Variants in HMCN2 observed in about 807,000 individuals in gnomAD.
HMCN2 encodes hemicentin 2.
A neutral mutation model predicts 377.5 loss-of-function variants in HMCN2; 325 were observed. The observed-to-expected ratio is 0.86, with a 90% CI of 0.79 to 0.94. The LOEUF (loss-of-function observed/expected upper bound fraction) is 0.94. Among genes scored for constraint, HMCN2 ranks in the 40% least tolerant of loss-of-function variants. HMCN2 has a pLI of 0.00. For missense variants in HMCN2, 4,543 were observed against 4,725.3 expected (o/e 0.96, Z 1.13); for synonymous variants, 2,007 against 2,046.8 (o/e 0.98, Z 0.53).
rs1229225017 is a variant in HMCN2, at chr9:130,399,578, G to A, written c.11551G>A (p.Val3851Met). 2.4e-5 allele frequency: 31 copies of A among 1,289,510 alleles called. No individual in the cohort carries two copies. Among genetic ancestry groups the A allele is most frequent in the East Asian group, 5.6e-5 (1 of 17,972 alleles). The allele number at this position is 1,289,510 out of a possible 1,614,324, so 79.9% of individuals were successfully genotyped here. Residue 3851 changes from valine to methionine, a missense_variant, in exon 76 of 98, where the codon GTG (valine) becomes ATG (methionine). Physicochemically the swap from Val to Met is conservative, Grantham distance 21. Around this residue, in one of 5 missense-constraint regions of HMCN2, gnomAD observed 1,073 missense variants for 1,319.5 expected, o/e 0.81. Coordinates refer to ENST00000683500, the MANE Select transcript of HMCN2 (RefSeq NM_001291815.2). ...GPQDSAQFECVVSNEVGEAHR... is the reference protein window; with the variant it reads ...GPQDSAQFECMVSNEVGEAHR... ...CCAGGACTCAGCCCAGTTTGAATGC[G>A]TGGTGAGCAATGAGGTGGGCGAGGC...
At chr9:130,364,639 G>C (rs1229649916) in intron 40 of HMCN2, 75 bp from the exon 41 acceptor site, 1 of 821,028 alleles carries the variant, frequency 1.2e-6, no homozygotes, top group African/African-American at 1.8e-5. Flanking sequence ...AGCTAGGCCT[G>C]ACCCAGGGTG....
rs1216148349 is a variant in HMCN2, at chr9:130,277,996, A to G, written c.260-6607A>G. Among the ~76,000 whole-genome samples, 2 of 45,998 alleles carry G rather than the reference A, an allele frequency of 4.3e-5. 1 individual carries two copies. The highest frequency in any genetic ancestry group is 7.4e-5 in the Non-Finnish European group (2 of 26,890). 30.2% of individuals were successfully genotyped at this position (45,998 alleles called of 152,430 possible). ...CATCATCACCACCACCACGATCATC[A>G]CCACCACCACCATCATCATCACCAC... On this transcript the variant is annotated intron_variant, in intron 1 of 97. Transcript: ENST00000683500.
rs10988688 is a variant in HMCN2 at position 130,304,409 on chromosome 9, C to T, written c.1544-321C>T. 0.015 allele frequency among the ~76,000 whole-genome samples: 2,290 copies of T among 152,272 alleles called. 23 individuals are homozygous for T. Among genetic ancestry groups the T allele is most frequent in the Non-Finnish European group, 0.022 (1,476 of 68,032 alleles). ...AGACTTCCAAGGCTTTATTCCTCAG[C>T]GTGGCATCTTCAGCTCGGAGGCATG... On this transcript the variant is annotated intron_variant, in intron 10 of 97. Coordinates refer to ENST00000683500, the MANE Select transcript of HMCN2 (RefSeq NM_001291815.2). The surrounding 1 kb of genome is among the most constrained non-coding windows in gnomAD (Gnocchi z 4.3).
Position 130,272,991 on chromosome 9 carries a change from A to C in HMCN2, c.259+6854A>C, listed in dbSNP as rs147136010. Among the ~76,000 whole-genome samples the C allele has an allele frequency of 3.0e-4, 46 of 152,298 alleles. 2 individuals carry two copies. Among genetic ancestry groups the C allele is most frequent in the African/African-American group, 1.1e-3 (45 of 41,560 alleles). On this transcript the variant is annotated intron_variant, in intron 1 of 97. Transcript: ENST00000683500. ...TGTGATTTTTCTTGGAATTGTGTTAAATCTTGATTTTGGGGAAGAGTTATC... is the reference window on the plus strand; with the variant it reads ...TGTGATTTTTCTTGGAATTGTGTTACATCTTGATTTTGGGGAAGAGTTATC...
chr9:130,292,956 C>CCCTA (rs143453020), intron 4 of HMCN2, among the ~76,000 whole-genome samples: 5 of 144,674 alleles, frequency 3.5e-5, no homozygotes, highest in Admixed American at 7.0e-5. Flanking sequence ...GGATCAATTG[C>CCCTA]TCTATCTATC....
chr9:130,278,027 C>CCACCACCATCAT (rs1564740398), intron 1 of HMCN2, among the ~76,000 whole-genome samples: 1 of 6,716 alleles, frequency 1.5e-4, no homozygotes, highest in Non-Finnish European at 2.3e-4. Context: ...ACCACCACCA[C>CCACCACCATCAT]GATCATCACC....
rs966717547 is a variant in HMCN2 at position 130,347,836 on chromosome 9, A to AC, written c.4024+479dup. ...ATCGAGACCAGTTTGGGAGAGAGAG[A>AC]CCCTGTCTCTACATAAAATAAACTT... On this transcript the variant is annotated intron_variant, in intron 26 of 97. Coordinates refer to ENST00000683500, the MANE Select transcript of HMCN2 (RefSeq NM_001291815.2). The surrounding 1 kb of genome is among the most constrained non-coding windows in gnomAD (Gnocchi z 5.1). Among the ~76,000 whole-genome samples the AC allele has an allele frequency of 1.3e-5, 2 of 152,138 alleles. No homozygotes were observed. The highest frequency in any genetic ancestry group is 1.3e-4 in the Admixed American group (2 of 15,278).
intron 97 of HMCN2, 200 bp from the exon 98 acceptor site, chr9:130,433,148 C>CT: frequency 2.0e-6 from 1 of 493,078 alleles, no homozygotes; most frequent in Non-Finnish European, 3.5e-6. Flanking sequence ...CCTCTGGCTT[C>CT]TCTGGGCTTC....
chr9:130,431,493 C>T lies in HMCN2; in HGVS notation c.14767+7C>T, dbSNP rs1208278159. ...AGCGGGAAGAACTGCCAGGGTGAGC[C>T]GGGCTCAGGCCGCCGCCCAAACACC... On this transcript the variant is annotated splice_region_variant and intron_variant, in intron 96 of 97. Coordinates refer to ENST00000683500, the MANE Select transcript of HMCN2 (RefSeq NM_001291815.2). 32 of 1,547,802 alleles carry T rather than the reference C, an allele frequency of 2.1e-5. No homozygotes were observed. Among genetic ancestry groups the T allele is most frequent in the Admixed American group, 5.9e-5 (3 of 50,940 alleles).
At chr9:130,426,874 C>T (rs1232569299) in intron 90 of HMCN2, among the ~76,000 whole-genome samples, 1 of 151,932 alleles carries the variant, frequency 6.6e-6, no homozygotes, top group Non-Finnish European at 1.5e-5. Flanking sequence ...AGATAGGACA[C>T]CCCTGATTTA....
At position 130,433,997 on chromosome 9, in the gene HMCN2, A is replaced by G. The variant is rs1459290569; in HGVS notation, c.*304A>G. 6.4e-6 allele frequency: 2 copies of G among 311,240 alleles called. No homozygotes were observed. The highest frequency in any genetic ancestry group is 5.1e-5 in the Admixed American group (1 of 19,770). 19.3% of individuals were successfully genotyped at this position (311,240 alleles called of 1,614,324 possible). A position where few individuals can be genotyped will look rare whatever the true frequency, so the allele number is the denominator to read the frequency against. ...CTCAGTGGGAGCGGGACAGGGACAC[A>G]GGGCACCTGGACGCGCGGGAGAGGG... On this transcript the variant is annotated 3_prime_UTR_variant, in exon 98 of 98. Transcript: ENST00000683500.
intron 30 of HMCN2, 86 bp from the exon 31 acceptor site, chr9:130,352,841 C>A (rs1215903425): frequency 9.0e-7 from 1 of 1,109,394 alleles, no homozygotes; most frequent in Non-Finnish European, 1.2e-6. Context: ...TGTCTTGTGG[C>A]CCAAAGGCAT....
rs1486633160 is a variant in HMCN2 at position 130,384,678 on chromosome 9, C to T, written c.8993-7C>T. On this transcript the variant is annotated splice_polypyrimidine_tract_variant and splice_region_variant and intron_variant, in intron 58 of 97. Coordinates refer to ENST00000683500, the MANE Select transcript of HMCN2 (RefSeq NM_001291815.2). ...TGCTGGTGTGAGGGGCTGGCTTCCC[C>T]CGGCAGGCACCCACACGCTGCAGCT... is the stretch of plus-strand genomic sequence containing the variant. The T allele has an allele frequency of 7.7e-7, 1 of 1,302,120 alleles. No individual in the cohort carries two copies. Among genetic ancestry groups the T allele is most frequent in the Non-Finnish European group, 1.0e-6 (1 of 988,612 alleles). The allele number at this position is 1,302,120 out of a possible 1,614,324, so 80.7% of individuals were successfully genotyped here.
rs1268526452 is a variant in HMCN2 at position 130,323,076 on chromosome 9, G to T, written c.2920+1145G>T. 4.6e-5 allele frequency among the ~76,000 whole-genome samples: 7 copies of T among 152,148 alleles called. No homozygotes were observed. In the East Asian group the frequency reaches 1.4e-3, roughly 29 times the overall value. ...AGGGTGGAGTGTGTACCACATGCCA[G>T]GCATCTGCTAGTTTCTATATATGAT... On this transcript the variant is annotated intron_variant, in intron 19 of 97. Transcript: ENST00000683500.
chr9:130,330,968 A>AACACACAC (rs1173053980), intron 22 of HMCN2, among the ~76,000 whole-genome samples: 8,301 of 131,366 alleles, frequency 0.063, 339 homozygotes, highest in Middle Eastern at 0.1. Context: ...TCTCTACTGA[A>AACACACAC]ACACACACAC....
In HMCN2 at chr9:130,374,668, C is replaced by CA; in HGVS notation, c.7608dup (p.His2537ThrfsTer22). 1.0e-6 allele frequency: 1 copy of CA among 985,782 alleles called. No homozygotes were observed. The highest frequency in any genetic ancestry group is 1.2e-6 in the Non-Finnish European group (1 of 829,946). The allele number at this position is 985,782 out of a possible 1,614,324, so 61.1% of individuals were successfully genotyped here. A position where few individuals can be genotyped will look rare whatever the true frequency, so the allele number is the denominator to read the frequency against. On this transcript the variant is annotated frameshift_variant, in exon 49 of 98. Transcript: ENST00000683500. LOFTEE classifies it high-confidence loss of function. ...CAGCCAACGCTGTTGGGGAGAAGAC[C>CA]AAACACTTCCAGCTCAGTGTCCTGT...
intron 94 of HMCN2, 129 bp from the exon 95 acceptor site, chr9:130,430,155 C>T (rs1447288397): frequency 1.3e-6 from 1 of 765,738 alleles, no homozygotes; most frequent in Non-Finnish European, 2.1e-6. Flanking sequence ...CAGCGTGGCT[C>T]ACATGCAGCA....
chr9:130,354,622 G>C (rs1839921780), intron 31 of HMCN2, 141 bp from the exon 32 acceptor site: 1 of 715,394 alleles, frequency 1.4e-6, no homozygotes, highest in African/African-American at 1.9e-5. Context: ...TGAGCAAGGG[G>C]TTCAGCCACT....
At chr9:130,398,517 T>A in intron 74 of HMCN2, 34 bp from the exon 75 acceptor site, 1 of 1,147,176 alleles carries the variant, frequency 8.7e-7, no homozygotes, top group Non-Finnish European at 1.1e-6. Flanking sequence ...CTGTGCCCCC[T>A]GCACCTGTCT....
Sources: allele counts gnomAD v4.1 joint callset (sites outside exome capture counted in the v4.1 genomes callset), GRCh38; gene constraint gnomAD v4.1.1; regional missense constraint gnomAD v4.1.1; non-coding constraint Gnocchi (gnomAD v3.1); transcripts MANE v1.5; gene names NCBI Gene and HGNC (gene_info 2026-07-23, HGNC 2026-07-21).